CALB2: variants seen among roughly 807,000 people sequenced by gnomAD.
The protein encoded by CALB2 is calretinin.
Under a neutral mutation model 45.9 loss-of-function variants are expected in CALB2, and 34 were observed. The observed-to-expected ratio is 0.74, with a 90% confidence interval of 0.56 to 0.99. CALB2 has a LOEUF of 0.99. Ranked by LOEUF, CALB2 falls within the 50% of genes least tolerant of loss-of-function variation. The pLI, the probability that CALB2 is intolerant of heterozygous loss-of-function variation, is 0.00. For synonymous variants in CALB2, 142 were observed against 129.6 expected, an observed-to-expected ratio of 1.10 and a Z score of -0.65; for missense variants, 344 against 339.3, an observed-to-expected ratio of 1.01 and a Z score of -0.11.
rs1043782234 is a variant in CALB2, at chr16:71,390,109, G to A, written c.*244G>A. On this transcript the variant is annotated 3_prime_UTR_variant, in exon 11 of 11. Coordinates refer to ENST00000302628, the MANE Select transcript of CALB2 (RefSeq NM_001740.5). ...ATCACACACATGGAAGGTGATGGGGGCATGGGTGGAGGGTCCCTAATTCTC... is the reference window on the plus strand; with the variant it reads ...ATCACACACATGGAAGGTGATGGGGACATGGGTGGAGGGTCCCTAATTCTC... 16 of 493,390 alleles carry A rather than the reference G, an allele frequency of 3.2e-5. No individual in the cohort carries two copies. The highest frequency in any genetic ancestry group is 2.3e-4 in the African/African-American group (12 of 52,286). The allele number at this position is 493,390 out of a possible 1,614,324, so 30.6% of individuals were successfully genotyped here.
chr16:71,383,924 G>A (rs768205546), intron 6 of CALB2, 46 bp from the exon 7 acceptor site: 12 of 1,608,220 alleles, frequency 7.5e-6, no homozygotes, highest in Non-Finnish European at 8.5e-6. Context: ...TGTCAGGTCA[G>A]AGAAATTCAC....
At chr16:71,374,522 G>A (rs1055689943) in intron 2 of CALB2, among the ~76,000 whole-genome samples, 8 of 152,168 alleles carry the variant, frequency 5.3e-5, no homozygotes, top group Admixed American at 3.3e-4. Context: ...GCATGGCCAC[G>A]TGTCCTTTGA....
chr16:71,377,569 C>T, intron 3 of CALB2, 98 bp from the exon 4 acceptor site: 1 of 768,332 alleles, frequency 1.3e-6, no homozygotes, highest in Non-Finnish European at 2.2e-6. Context: ...CCCACACTGC[C>T]TCGCCACTGG....
intron 8 of CALB2, 102 bp downstream of exon 8, chr16:71,384,480 CCACACACACCACA>C: frequency 1.2e-6 from 1 of 805,904 alleles, no homozygotes; most frequent in Admixed American, 1.8e-5. Context: ...CTACACACAC[CCACACACACCACA>C]CACACACAAA....
intron 1 of CALB2, among the ~76,000 whole-genome samples, chr16:71,368,154 C>T (rs575152026): frequency 6.6e-6 from 1 of 152,350 alleles, no homozygotes; most frequent in East Asian, 1.9e-4. Flanking sequence ...CCCATTACAG[C>T]ATAAGCCCCA....
intron 7 of CALB2, 107 bp downstream of exon 7, chr16:71,384,132 G>C: frequency 7.9e-7 from 1 of 1,269,322 alleles, no homozygotes; most frequent in Non-Finnish European, 1.2e-6. Context: ...CGGGTGTCAA[G>C]AAGCTCAAGA....
At chr16:71,389,457 G>T in intron 10 of CALB2, 1 of 547,040 alleles carries the variant, frequency 1.8e-6, no homozygotes. Flanking sequence ...CGTAATCATC[G>T]CAACACCTCC....
chr16:71,371,054 A>T (rs2042345205), intron 1 of CALB2, among the ~76,000 whole-genome samples: 1 of 152,222 alleles, frequency 6.6e-6, no homozygotes, highest in Non-Finnish European at 1.5e-5. Context: ...CAGTAACAAC[A>T]TTTATGCTGC....
intron 5 of CALB2, 112 bp from the exon 6 acceptor site, chr16:71,383,255 C>T (rs1162372544): frequency 1.6e-5 from 16 of 991,922 alleles, no homozygotes; most frequent in Non-Finnish European, 2.5e-5. Flanking sequence ...ACTGGTAGAC[C>T]TGAAAAACAC....
chr16:71,372,924 C>T (rs912823475), intron 2 of CALB2, among the ~76,000 whole-genome samples: 6 of 152,190 alleles, frequency 3.9e-5, no homozygotes, highest in African/African-American at 9.7e-5. Context: ...CTGAACCAGA[C>T]GGCACTGGCT....
Position 71,389,788 on chromosome 16 carries a change from G to A in CALB2, c.739G>A (p.Val247Ile), listed in dbSNP as rs757235338. Residue 247 changes from valine to isoleucine, a missense_variant, in exon 11 of 11, where the codon GTC (valine) becomes ATC (isoleucine). Physicochemically the swap from Val to Ile is conservative, Grantham distance 29 (BLOSUM62 3). Coordinates refer to ENST00000302628, the MANE Select transcript of CALB2 (RefSeq NM_001740.5). ...IQQLTNYRKSVMSLAEAGKLY... is the reference protein window; with the variant it reads ...IQQLTNYRKSIMSLAEAGKLY... The stretch of plus-strand genomic sequence containing the variant: ...ACAGCTCACCAACTACAGAAAGAGC[G>A]TCATGTCCTTGGCAGAGGCAGGGAA... The A allele has an allele frequency of 7.9e-5, 128 of 1,613,926 alleles. No homozygotes were observed. Among genetic ancestry groups the A allele is most frequent in the East Asian group, 4.5e-4 (20 of 44,894 alleles).
At chr16:71,386,318 G>A (rs780012280) in intron 10 of CALB2, among the ~76,000 whole-genome samples, 2 of 152,200 alleles carry the variant, frequency 1.3e-5, no homozygotes, top group African/African-American at 2.4e-5. Flanking sequence ...CAGTGTTGAC[G>A]TGTGAAAGTG....
intron 4 of CALB2, among the ~76,000 whole-genome samples, chr16:71,379,709 C>T (rs755984713): frequency 3.0e-4 from 45 of 152,188 alleles, no homozygotes; most frequent in Non-Finnish European, 6.2e-4. Context: ...GTAATCCCCT[C>T]TCTGTGATCC....
At chr16:71,371,955 T>C (rs936978593) in intron 1 of CALB2, among the ~76,000 whole-genome samples, 198 bp from the exon 2 acceptor site, 2 of 152,218 alleles carry the variant, frequency 1.3e-5, no homozygotes, top group Non-Finnish European at 2.9e-5. Flanking sequence ...TTCTAGCTGC[T>C]GAATGTATGT....
chr16:71,384,244 T>C (rs2042536936), intron 7 of CALB2, 95 bp from the exon 8 acceptor site: 2 of 1,130,318 alleles, frequency 1.8e-6, no homozygotes, highest in Admixed American at 3.4e-5. Context: ...TCAGAAATCA[T>C]TTCTGTAACT....
intron 10 of CALB2, among the ~76,000 whole-genome samples, chr16:71,387,555 T>C (rs929986058): frequency 1.3e-5 from 2 of 152,182 alleles, no homozygotes; most frequent in African/African-American, 4.8e-5. Flanking sequence ...GATTAATGTT[T>C]GAGGCTCCTC....
rs189794661 is a variant in CALB2 at position 71,366,532 on chromosome 16, T to C, written c.95-5621T>C. On this transcript the variant is annotated intron_variant, in intron 1 of 10. Transcript: ENST00000302628. ...TTTTAGTAGAGATGGGGTTTCACCA[T>C]GTTGGCCAGGCTGGTCTTGAACTCC... Among the ~76,000 whole-genome samples the C allele has an allele frequency of 2.8e-4, 42 of 150,282 alleles. No individual in the cohort carries two copies. The East Asian group carries it at 7.1e-3, about 26-fold the overall frequency.
intron 4 of CALB2, among the ~76,000 whole-genome samples, chr16:71,382,213 C>T (rs752895435): frequency 4.2e-5 from 6 of 143,502 alleles, no homozygotes; most frequent in Non-Finnish European, 6.3e-5. Flanking sequence ...AAATATGTGG[C>T]GCCAAATAGA....
chr16:71,367,335 G>C (rs993383872), intron 1 of CALB2, among the ~76,000 whole-genome samples: 9 of 152,120 alleles, frequency 5.9e-5, no homozygotes, highest in African/African-American at 1.9e-4. Flanking sequence ...CATGAGCCTT[G>C]CTTGGTGACC....
Sources: allele counts gnomAD v4.1 joint callset (sites outside exome capture counted in the v4.1 genomes callset), GRCh38; gene constraint gnomAD v4.1.1; transcripts MANE v1.5; gene names NCBI Gene and HGNC (gene_info 2026-07-23, HGNC 2026-07-21).